Variants in SKAP1 observed in about 807,000 individuals in gnomAD.
The protein encoded by SKAP1 is src kinase associated phosphoprotein 1.
A neutral mutation model predicts 58.5 loss-of-function variants in SKAP1; 44 were observed. The observed-to-expected ratio is 0.75, with a 90% confidence interval of 0.59 to 0.97. The LOEUF (loss-of-function observed/expected upper bound fraction) is 0.97, where lower values mean the gene tolerates loss of function less well. Ranked by LOEUF, SKAP1 falls within the 50% of genes least tolerant of loss-of-function variation. The pLI, the probability that SKAP1 is intolerant of heterozygous loss-of-function variation, is 0.00. For missense variants in SKAP1, 390 were observed against 435.2 expected, an observed-to-expected ratio of 0.90 and a Z score of 0.92; for synonymous variants, 127 against 149.7, an observed-to-expected ratio of 0.85 and a Z score of 1.11.
chr17:48,388,328 C>T (rs909155800), intron 2 of SKAP1, among the ~76,000 whole-genome samples: 28 of 151,890 alleles, frequency 1.8e-4, no homozygotes, highest in African/African-American at 6.0e-4. Context: ...CAGCTACTCA[C>T]GAGGCTGAGG....
chr17:48,233,506 G>A (rs1325980696), intron 4 of SKAP1, among the ~76,000 whole-genome samples: 1 of 149,112 alleles, frequency 6.7e-6, no homozygotes, highest in Non-Finnish European at 1.5e-5. Flanking sequence ...AATTTAAACA[G>A]ATAAAATATA....
At chr17:48,193,756 A>T in intron 4 of SKAP1, 4 of 984,524 alleles carry the variant, frequency 4.1e-6, no homozygotes, top group Non-Finnish European at 4.8e-6. Flanking sequence ...GGAATCTTGT[A>T]TGCCTGGATC....
chr17:48,323,984 A>G (rs909729523), intron 4 of SKAP1, among the ~76,000 whole-genome samples: 2 of 152,128 alleles, frequency 1.3e-5, no homozygotes, highest in Non-Finnish European at 2.9e-5. Flanking sequence ...ATTCTCATGT[A>G]TTCTGAGCTG....
intron 2 of SKAP1, among the ~76,000 whole-genome samples, chr17:48,384,768 G>A (rs559946590): frequency 1.8e-4 from 28 of 152,318 alleles, no homozygotes; most frequent in African/African-American, 6.5e-4. Context: ...GCATCCAGCA[G>A]GGTATGCCCA....
intron 4 of SKAP1, among the ~76,000 whole-genome samples, chr17:48,309,252 T>C (rs1437190554): frequency 6.6e-6 from 1 of 151,690 alleles, no homozygotes; most frequent in African/African-American, 2.4e-5. Flanking sequence ...ATTTGTATTG[T>C]AAATATTTTC....
At chr17:48,269,041 A>G (rs1176462415) in intron 4 of SKAP1, among the ~76,000 whole-genome samples, 1 of 152,104 alleles carries the variant, frequency 6.6e-6, no homozygotes, top group East Asian at 1.9e-4. Flanking sequence ...GATGTAATAT[A>G]CTAATATATA....
intron 10 of SKAP1, among the ~76,000 whole-genome samples, chr17:48,163,948 T>C (rs1212253229): frequency 6.6e-6 from 1 of 152,172 alleles, no homozygotes; most frequent in Non-Finnish European, 1.5e-5. Flanking sequence ...ATGTCAACCA[T>C]ATAGAAATTC....
At position 48,351,197 on chromosome 17, in the gene SKAP1, T is replaced by G. The variant is rs947878050; in HGVS notation, c.179-5191A>C. Among the ~76,000 whole-genome samples the G allele has an allele frequency of 2.0e-5, 3 of 152,326 alleles. No homozygotes were observed. In the East Asian group the frequency reaches 5.8e-4, roughly 29 times the overall value. On this transcript the variant is annotated intron_variant, in intron 3 of 12. Transcript: ENST00000336915. ...ACACATAAGTATATTATAGAGCACA[T>G]TTGCTGCACCAAAACTAAAATTCTG...
intron 10 of SKAP1, among the ~76,000 whole-genome samples, chr17:48,168,571 CACT>C (rs1227850944): frequency 6.6e-6 from 1 of 152,190 alleles, no homozygotes; most frequent in African/African-American, 2.4e-5. Flanking sequence ...GCAGAAGAAT[CACT>C]TGAACCTGGG....
intron 4 of SKAP1, among the ~76,000 whole-genome samples, chr17:48,325,867 C>T (rs763884500): frequency 1.3e-5 from 2 of 152,168 alleles, no homozygotes; most frequent in African/African-American, 2.4e-5. Context: ...CAGACTTTGA[C>T]CTTCTTCTAT....
intron 1 of SKAP1, among the ~76,000 whole-genome samples, chr17:48,397,620 C>T (rs1235416187): frequency 1.3e-5 from 2 of 151,574 alleles, no homozygotes; most frequent in African/African-American, 2.4e-5. Context: ...TAAATAGAGC[C>T]GAAATAAAAA....
intron 4 of SKAP1, among the ~76,000 whole-genome samples, chr17:48,282,428 G>A (rs1730916533): frequency 6.6e-6 from 1 of 152,040 alleles, no homozygotes; most frequent in Non-Finnish European, 1.5e-5. Flanking sequence ...CCTTCACCCT[G>A]TTCCCTCAAA....
At chr17:48,401,021 A>G (rs926017541) in intron 1 of SKAP1, among the ~76,000 whole-genome samples, 1 of 152,118 alleles carries the variant, frequency 6.6e-6, no homozygotes, top group Admixed American at 6.6e-5. Flanking sequence ...AAAGAGAGAC[A>G]ATGGCCGGGC....
rs185112752 is a variant in SKAP1, at chr17:48,267,803, C to G, written c.280+78102G>C. ...CCGTTAGGAAGGGTAATTACAGAACCAAAGCAGGGGAGGACCTGACAAAAT... is the reference window on the plus strand; with the variant it reads ...CCGTTAGGAAGGGTAATTACAGAACGAAAGCAGGGGAGGACCTGACAAAAT... On this transcript the variant is annotated intron_variant, in intron 4 of 12. Transcript: ENST00000336915. 9.9e-5 allele frequency among the ~76,000 whole-genome samples: 15 copies of G among 152,162 alleles called. No individual in the cohort carries two copies. The East Asian group carries it at 2.7e-3, about 27-fold the overall frequency.
At chr17:48,287,957 G>C (rs1195901541) in intron 4 of SKAP1, among the ~76,000 whole-genome samples, 1 of 152,218 alleles carries the variant, frequency 6.6e-6, no homozygotes, top group Admixed American at 6.5e-5. Context: ...ATTCAAAGCA[G>C]ATGGAGCTCA....
chr17:48,246,367 C>T (rs2065296942), intron 4 of SKAP1, among the ~76,000 whole-genome samples: 1 of 152,194 alleles, frequency 6.6e-6, no homozygotes, highest in Non-Finnish European at 1.5e-5. Flanking sequence ...TTCTACATTT[C>T]CCCACACCTA....
intron 2 of SKAP1, among the ~76,000 whole-genome samples, chr17:48,392,875 A>ATT (rs199698069): frequency 6.8e-6 from 1 of 147,716 alleles, no homozygotes; most frequent in South Asian, 2.1e-4. Flanking sequence ...ATATATATAT[A>ATT]TATTTTTTTT....
rs1219855395 is a variant in SKAP1, at chr17:48,310,162, T to G, written c.280+35743A>C. On this transcript the variant is annotated intron_variant, in intron 4 of 12. Coordinates refer to ENST00000336915, the MANE Select transcript of SKAP1 (RefSeq NM_003726.4). ...CTTTTATGCCAGTTCCAGACATCAG[T>G]TAACAAAACCCTTTAACGAACAGAT... Among the ~76,000 whole-genome samples the G allele has an allele frequency of 5.3e-5, 8 of 152,366 alleles. No individual in the cohort carries two copies. In the East Asian group the frequency reaches 1.5e-3, roughly 29 times the overall value.
chr17:48,257,628 C>CTTTTTTTTTTTTTTTTTTTTTTTTT (rs56225931), intron 4 of SKAP1, among the ~76,000 whole-genome samples: 36 of 111,132 alleles, frequency 3.2e-4, no homozygotes, highest in Non-Finnish European at 3.5e-4. Context: ...TTCTTTCTTT[C>CTTTTTTTTTTTTTTTTTTTTTTTTT]TTTTTTTTTT....
Sources: gnomAD v4.1 joint callset for allele counts (sites outside exome capture counted in the v4.1 genomes callset) on GRCh38, gnomAD v4.1.1 for gene constraint, MANE v1.5 for transcripts, NCBI Gene and HGNC (gene_info 2026-07-23, HGNC 2026-07-21) for gene names.